Variants in KCND3 observed in about 807,000 individuals in gnomAD.
KCND3 encodes the protein A-type voltage-gated potassium channel KCND3.
Under a neutral mutation model 51.1 loss-of-function variants are expected in KCND3, and 9 were observed. The observed-to-expected ratio is 0.18, with a 90% CI of 0.11 to 0.31. KCND3 has a LOEUF of 0.31. KCND3 is among the 10% of genes least tolerant of loss of function. The pLI is 1.00. For missense variants in KCND3, 526 were observed against 903.8 expected (o/e 0.58, Z 5.36); for synonymous variants, 349 against 368.0 (o/e 0.95, Z 0.59).
In KCND3 at chr1:111,786,642, G is replaced by A. The variant is rs911856384; in HGVS notation, c.1269+302C>T. Among the ~76,000 whole-genome samples the A allele has an allele frequency of 5.3e-5, 8 of 152,146 alleles. No homozygotes were observed. In the East Asian group the frequency reaches 5.8e-4, roughly 11 times the overall value. On this transcript the variant is annotated intron_variant, in intron 3 of 7. Transcript: ENST00000302127. ...TCTTGGCTGGGAGAGGGAGGAGTGC[G>A]GGGATGGCTGAGTGGCAGTGGCTGA...
intron 2 of KCND3, among the ~76,000 whole-genome samples, chr1:111,809,678 C>T (rs568662240): frequency 4.5e-4 from 68 of 150,764 alleles, no homozygotes; most frequent in African/African-American, 1.6e-3. Flanking sequence ...TGTGTGTATG[C>T]GTGTGTGTGC....
chr1:111,807,872 A>G (rs1226941196), intron 2 of KCND3, among the ~76,000 whole-genome samples: 1 of 152,212 alleles, frequency 6.6e-6, no homozygotes, highest in Non-Finnish European at 1.5e-5. Flanking sequence ...GCATGGCTGT[A>G]TTGGAAGTAT....
intron 2 of KCND3, among the ~76,000 whole-genome samples, chr1:111,971,937 T>C (rs1396868928): frequency 6.6e-6 from 1 of 152,172 alleles, no homozygotes; most frequent in Non-Finnish European, 1.5e-5. Flanking sequence ...CTTCTTTATC[T>C]CTTACCTGGC....
intron 2 of KCND3, among the ~76,000 whole-genome samples, chr1:111,852,622 C>T (rs1308353970): frequency 6.6e-6 from 1 of 152,150 alleles, no homozygotes; most frequent in Non-Finnish European, 1.5e-5. Context: ...TACGCACACA[C>T]CAAGCATATG....
At chr1:111,894,065 A>G (rs1669983452) in intron 2 of KCND3, among the ~76,000 whole-genome samples, 1 of 152,210 alleles carries the variant, frequency 6.6e-6, no homozygotes, top group Non-Finnish European at 1.5e-5. Flanking sequence ...AAATCAGCCA[A>G]CTGCCTCACA....
chr1:111,922,128 G>A (rs774603763), intron 2 of KCND3, among the ~76,000 whole-genome samples: 3 of 152,194 alleles, frequency 2.0e-5, no homozygotes, highest in Non-Finnish European at 2.9e-5. Context: ...TGTCCAAGAC[G>A]AACACAAGAG....
At chr1:111,894,921 AGAG>A (rs1432457568) in intron 2 of KCND3, among the ~76,000 whole-genome samples, 8 of 151,546 alleles carry the variant, frequency 5.3e-5, no homozygotes, top group African/African-American at 1.9e-4. Context: ...GGAAGAGGAA[AGAG>A]GAGAAGGGAG....
At chr1:111,958,812 T>C (rs1036388112) in intron 2 of KCND3, among the ~76,000 whole-genome samples, 1 of 152,158 alleles carries the variant, frequency 6.6e-6, no homozygotes, top group African/African-American at 2.4e-5. Flanking sequence ...AGGGTTTTCA[T>C]TGCCTTCTCT....
chr1:111,955,297 C>T (rs1446344635), intron 2 of KCND3, among the ~76,000 whole-genome samples: 2 of 152,004 alleles, frequency 1.3e-5, no homozygotes, highest in Non-Finnish European at 2.9e-5. Context: ...GCCTGTATTC[C>T]CTGCTACTTA....
chr1:111,939,483 G>T (rs1250164122), intron 2 of KCND3, among the ~76,000 whole-genome samples: 1 of 152,062 alleles, frequency 6.6e-6, no homozygotes, highest in Non-Finnish European at 1.5e-5. Flanking sequence ...TTCTGTGTTT[G>T]GTTTTCTGTT....
At chr1:111,922,197 G>A (rs2995809) in intron 2 of KCND3, among the ~76,000 whole-genome samples, 25,891 of 152,180 alleles carry the variant, frequency 0.17, 2,280 homozygotes, top group East Asian at 0.3. Context: ...TGAGCAGGGC[G>A]GCATTGGCAG....
chr1:111,898,880 C>G (rs781017150), intron 2 of KCND3, among the ~76,000 whole-genome samples: 2 of 152,192 alleles, frequency 1.3e-5, no homozygotes, highest in African/African-American at 4.8e-5. Context: ...ACCAGCCTAA[C>G]ATGGCAACCC....
chr1:111,921,996 C>T (rs1205938208), intron 2 of KCND3, among the ~76,000 whole-genome samples: 1 of 152,140 alleles, frequency 6.6e-6, no homozygotes, highest in African/African-American at 2.4e-5. Flanking sequence ...AAAATTTTAA[C>T]GCTACTGCAA....
At chr1:111,911,437 T>C (rs554052938) in intron 2 of KCND3, among the ~76,000 whole-genome samples, 182 of 152,334 alleles carry the variant, frequency 1.2e-3, no homozygotes, top group Non-Finnish European at 1.8e-3. Flanking sequence ...GGTGCACTTA[T>C]ATAAACCTAA....
At chr1:111,973,711 C>T (rs762669318) in intron 2 of KCND3, among the ~76,000 whole-genome samples, 1 of 152,142 alleles carries the variant, frequency 6.6e-6, no homozygotes. Context: ...GAGCTGAATC[C>T]CAAAGAATGG....
At chr1:111,861,909 T>C (rs1157354558) in intron 2 of KCND3, among the ~76,000 whole-genome samples, 1 of 152,234 alleles carries the variant, frequency 6.6e-6, no homozygotes, top group Non-Finnish European at 1.5e-5. Flanking sequence ...TCCTGTGGTC[T>C]GAGTTATGCG....
intron 2 of KCND3, among the ~76,000 whole-genome samples, chr1:111,872,702 C>T (rs544209165): frequency 2.2e-4 from 33 of 152,192 alleles, no homozygotes; most frequent in African/African-American, 7.5e-4. Context: ...AAATGAACAA[C>T]ACATTTATAG....
rs927859216 is a variant in KCND3, at chr1:111,774,677, C to G, written c.*1400G>C. 2 of 152,224 alleles carry G rather than the reference C, an allele frequency of 1.3e-5. No individual in the cohort carries two copies. Among genetic ancestry groups the G allele is most frequent in the Non-Finnish European group, 2.9e-5 (2 of 68,048 alleles). The allele number at this position is 152,224 out of a possible 1,614,324, so 9.4% of individuals were successfully genotyped here. On this transcript the variant is annotated 3_prime_UTR_variant, in exon 8 of 8. Transcript: ENST00000302127. ...GGTAAGAATCATCTAGAATCTCTTACTTGCTTTTGCTTTGAAGCATTTTTC... is the reference window on the plus strand; with the variant it reads ...GGTAAGAATCATCTAGAATCTCTTAGTTGCTTTTGCTTTGAAGCATTTTTC...
intron 2 of KCND3, among the ~76,000 whole-genome samples, chr1:111,815,797 T>G (rs1039591332): frequency 6.6e-6 from 1 of 151,998 alleles, no homozygotes; most frequent in Non-Finnish European, 1.5e-5. Flanking sequence ...CTTTGACATA[T>G]CATACCTGCA....
Sources: allele counts gnomAD v4.1 joint callset (sites outside exome capture counted in the v4.1 genomes callset), GRCh38; gene constraint gnomAD v4.1.1; transcripts MANE v1.5; gene names NCBI Gene and HGNC (gene_info 2026-07-23, HGNC 2026-07-21).